JMJD1C: variants seen among roughly 807,000 people sequenced by gnomAD.
The protein encoded by JMJD1C is jumonji domain-containing protein 1C.
A neutral mutation model predicts 245.3 loss-of-function variants in JMJD1C; 31 were observed. The ratio of observed to expected loss-of-function variants is 0.13; its 90% CI spans 0.09 to 0.17. The LOEUF (loss-of-function observed/expected upper bound fraction) is 0.17, where lower values mean the gene tolerates loss of function less well. Among genes scored for constraint, JMJD1C ranks in the 10% least tolerant of loss-of-function variants. The pLI is 1.00. For missense variants in JMJD1C, 2,691 were observed against 3,000.2 expected, an observed-to-expected ratio of 0.90 and a Z score of 2.41; for synonymous variants, 1,057 against 1,017.4, an observed-to-expected ratio of 1.04 and a Z score of -0.74.
intron 1 of JMJD1C, among the ~76,000 whole-genome samples, chr10:63,407,225 G>A (rs1949221770): frequency 6.6e-6 from 1 of 152,098 alleles, no homozygotes; most frequent in Non-Finnish European, 1.5e-5. Context: ...ACGAAAAAAA[G>A]GTTTATTTCT....
intron 1 of JMJD1C, among the ~76,000 whole-genome samples, chr10:63,423,443 AGT>A (rs1001746340): frequency 6.6e-6 from 1 of 152,198 alleles, no homozygotes; most frequent in Admixed American, 6.5e-5. Context: ...CACATAGTAT[AGT>A]GTTTTTAAGG....
At chr10:63,438,183 C>G (rs184076816) in intron 1 of JMJD1C, among the ~76,000 whole-genome samples, 2 of 152,268 alleles carry the variant, frequency 1.3e-5, no homozygotes, top group Admixed American at 1.3e-4. Context: ...ACCGCTATCA[C>G]CACCACTCTC....
chr10:63,281,198 G>C (rs1172859654), intron 2 of JMJD1C, among the ~76,000 whole-genome samples: 1 of 146,320 alleles, frequency 6.8e-6, no homozygotes. Flanking sequence ...GCAGTGGCAC[G>C]ATCTCGGCTC....
chr10:63,392,189 C>G (rs1031351454), intron 1 of JMJD1C, among the ~76,000 whole-genome samples: 21 of 152,010 alleles, frequency 1.4e-4, no homozygotes, highest in Non-Finnish European at 2.8e-4. Context: ...AAACTGGACC[C>G]CTATCTCTCA....
At chr10:63,211,616 G>A (rs1283295083) in intron 8 of JMJD1C, among the ~76,000 whole-genome samples, 2 of 151,768 alleles carry the variant, frequency 1.3e-5, no homozygotes, top group Non-Finnish European at 2.9e-5. Flanking sequence ...AATGTTATAT[G>A]TAAAAAATAT....
At chr10:63,219,642 C>T (rs376946012) in intron 4 of JMJD1C, among the ~76,000 whole-genome samples, 7 of 152,150 alleles carry the variant, frequency 4.6e-5, no homozygotes, top group African/African-American at 1.7e-4. Flanking sequence ...AACAAAACAC[C>T]TGTGTAGCTG....
At chr10:63,194,213 G>T in intron 14 of JMJD1C, 73 bp downstream of exon 14, 1 of 909,062 alleles carries the variant, frequency 1.1e-6, no homozygotes, top group Non-Finnish European at 1.9e-6. Context: ...TATATTTCTA[G>T]ATACTCCTTT....
chr10:63,333,356 A>G (rs1230751831), intron 2 of JMJD1C, among the ~76,000 whole-genome samples: 1 of 152,104 alleles, frequency 6.6e-6, no homozygotes, highest in Non-Finnish European at 1.5e-5. Flanking sequence ...GGAGTTGGAG[A>G]ACAGCTCAGG....
chr10:63,306,139 G>T (rs536422022), intron 2 of JMJD1C, among the ~76,000 whole-genome samples: 1 of 151,906 alleles, frequency 6.6e-6, no homozygotes, highest in Admixed American at 6.6e-5. Context: ...GCCCAGGCTG[G>T]AGTGCACTGG....
At chr10:63,464,448 T>C (rs956308055) in intron 1 of JMJD1C, among the ~76,000 whole-genome samples, 3 of 149,060 alleles carry the variant, frequency 2.0e-5, no homozygotes, top group African/African-American at 7.4e-5. Flanking sequence ...GGGAAAAAAA[T>C]TTCCTAAATT....
chr10:63,288,929 G>A lies in JMJD1C; in HGVS notation c.334-24165C>T, dbSNP rs112164124. ...TAATAATAATAATAATAATAATAAT[G>A]ATAATAATCTGTATATTTTATTTAA... is the stretch of plus-strand genomic sequence containing the variant. On this transcript the variant is annotated intron_variant, in intron 2 of 25. Transcript: ENST00000399262. 3.6e-3 allele frequency among the ~76,000 whole-genome samples: 363 copies of A among 101,208 alleles called. 3 individuals are homozygous for A. The highest frequency in any genetic ancestry group is 0.013 in the African/African-American group (176 of 13,298). 66.4% of individuals were successfully genotyped at this position (101,208 alleles called of 152,430 possible).
At chr10:63,330,026 G>A (rs1239619850) in intron 2 of JMJD1C, among the ~76,000 whole-genome samples, 3 of 152,086 alleles carry the variant, frequency 2.0e-5, no homozygotes, top group Non-Finnish European at 4.4e-5. Context: ...TCAGCCTCCC[G>A]AGTAGCTGGG....
chr10:63,364,924 T>C (rs1008420555), intron 2 of JMJD1C, among the ~76,000 whole-genome samples: 1 of 152,226 alleles, frequency 6.6e-6, no homozygotes, highest in African/African-American at 2.4e-5. Context: ...AAATTGATGA[T>C]TTAATCCAGA....
chr10:63,228,882 C>T (rs550774691), intron 3 of JMJD1C, among the ~76,000 whole-genome samples: 6 of 151,990 alleles, frequency 3.9e-5, no homozygotes, highest in Non-Finnish European at 8.8e-5. Context: ...CTTAGCCTTC[C>T]AAATATAACA....
chr10:63,324,608 T>C lies in JMJD1C; in HGVS notation c.333+55710A>G, dbSNP rs147027547. 4.5e-3 allele frequency among the ~76,000 whole-genome samples: 689 copies of C among 152,346 alleles called. 6 individuals carry two copies. Among genetic ancestry groups the C allele is most frequent in the African/African-American group, 0.016 (653 of 41,576 alleles). On this transcript the variant is annotated intron_variant, in intron 2 of 25. Coordinates refer to ENST00000399262, the MANE Select transcript of JMJD1C (RefSeq NM_032776.3). The stretch of plus-strand genomic sequence containing the variant: ...ATGAATGCTTCTTAAGAACTTGATA[T>C]GTGACAAGCACTGGTAACCACAAAG...
intron 1 of JMJD1C, among the ~76,000 whole-genome samples, chr10:63,458,391 G>A (rs908937457): frequency 6.6e-6 from 1 of 151,994 alleles, no homozygotes; most frequent in Admixed American, 6.6e-5. Context: ...GTAGGGCTGA[G>A]GTGGGAGGAT....
rs1235618523 is a variant in JMJD1C, at chr10:63,209,158, A to C, written c.2772T>G (p.Pro924=). 6.8e-6 allele frequency: 11 copies of C among 1,614,018 alleles called. No homozygotes were observed. Among genetic ancestry groups the C allele is most frequent in the Non-Finnish European group, 8.5e-6 (10 of 1,179,892 alleles). The change falls in exon 9 of 26, where the codon CCT becomes CCG. Residue 924 remains proline (P), a synonymous_variant. Transcript: ENST00000399262. The part of the protein sequence containing the change: ...ADGIGLLSHI[P]VRPSSAEPHR... ...GAGGCTCTGCACTGGAAGGTCTGAC[A>C]GGAATGTGACTAAGTAATCCAATAC...
intron 1 of JMJD1C, among the ~76,000 whole-genome samples, chr10:63,510,969 G>A (rs186818106): frequency 2.0e-5 from 3 of 152,170 alleles, no homozygotes; most frequent in Non-Finnish European, 4.4e-5. Context: ...ACAGTGCTCT[G>A]AAGTCTACTA....
At chr10:63,192,008 A>AC (rs1844885281) in intron 16 of JMJD1C, among the ~76,000 whole-genome samples, 3 of 122,164 alleles carry the variant, frequency 2.5e-5, no homozygotes, top group Admixed American at 8.1e-5. Context: ...AAAAAAAAAA[A>AC]ACACAAAAAA....
Sources: allele counts gnomAD v4.1 joint callset (sites outside exome capture counted in the v4.1 genomes callset), GRCh38; gene constraint gnomAD v4.1.1; transcripts MANE v1.5; gene names NCBI Gene and HGNC (gene_info 2026-07-23, HGNC 2026-07-21).